The following ARHGAP18 variants were observed in gnomAD, a reference collection of about 807,000 sequenced individuals.
ARHGAP18 encodes the protein rho GTPase-activating protein 18.
In ARHGAP18, 67 loss-of-function variants were observed where a neutral mutation model predicts 86.2. The ratio of observed to expected loss-of-function variants is 0.78; its 90% confidence interval spans 0.64 to 0.95. The LOEUF is 0.95. Ranked by LOEUF, ARHGAP18 falls within the 40% of genes least tolerant of loss-of-function variation. The pLI is 0.00. For synonymous variants in ARHGAP18, 283 were observed against 280.4 expected, an observed-to-expected ratio of 1.01 and a Z score of -0.09; for missense variants, 691 against 780.4, an observed-to-expected ratio of 0.89 and a Z score of 1.37.
chr6:129,653,465 A>G (rs1773758922), intron 1 of ARHGAP18, among the ~76,000 whole-genome samples: 1 of 152,238 alleles, frequency 6.6e-6, no homozygotes, highest in African/African-American at 2.4e-5. Context: ...AAGTGTTTTT[A>G]TATGCAAGGT....
chr6:129,583,615 T>C (rs1161897457), intron 13 of ARHGAP18, among the ~76,000 whole-genome samples: 1 of 152,222 alleles, frequency 6.6e-6, no homozygotes, highest in African/African-American at 2.4e-5. Flanking sequence ...TTAATGCCAC[T>C]GCATCCTAAT....
At chr6:129,703,619 C>G (rs1364856741) in intron 1 of ARHGAP18, among the ~76,000 whole-genome samples, 1 of 152,224 alleles carries the variant, frequency 6.6e-6, no homozygotes, top group South Asian at 2.1e-4. Context: ...TCACAGGTCT[C>G]GTCAATGAGA....
Position 129,634,022 on chromosome 6 carries a change from A to G in ARHGAP18, c.616+20T>C, listed in dbSNP as rs1584073001. On this transcript the variant is annotated intron_variant, in intron 4 of 14. Transcript: ENST00000368149. Reference sequence around the variant, plus strand: ...TAAAGGGCGGAAAAAAAAAAAAACAAGAGAACAGGTTCAACATACCATCTC... The same window carrying G: ...TAAAGGGCGGAAAAAAAAAAAAACAGGAGAACAGGTTCAACATACCATCTC... The G allele has an allele frequency of 1.3e-6, 2 of 1,581,404 alleles. No homozygotes were observed. The highest frequency in any genetic ancestry group is 1.7e-6 in the Non-Finnish European group (2 of 1,169,054).
At chr6:129,636,524 A>G (rs926097943) in intron 3 of ARHGAP18, among the ~76,000 whole-genome samples, 3 of 152,230 alleles carry the variant, frequency 2.0e-5, no homozygotes, top group Non-Finnish European at 2.9e-5. Flanking sequence ...ACTGGTTAAA[A>G]GCATGTACTT....
chr6:129,627,937 G>C (rs569873577), intron 5 of ARHGAP18, among the ~76,000 whole-genome samples: 2 of 152,154 alleles, frequency 1.3e-5, no homozygotes, highest in African/African-American at 4.8e-5. Flanking sequence ...AAATATAGAT[G>C]ATAAAATATA....
At chr6:129,690,207 CATA>C (rs1774501807) in intron 1 of ARHGAP18, among the ~76,000 whole-genome samples, 1 of 151,994 alleles carries the variant, frequency 6.6e-6, no homozygotes, top group African/African-American at 2.4e-5. Flanking sequence ...ACAATGTATT[CATA>C]ATACTTATAT....
intron 12 of ARHGAP18, among the ~76,000 whole-genome samples, chr6:129,586,591 C>G (rs917115976): frequency 6.6e-6 from 1 of 152,108 alleles, no homozygotes; most frequent in Admixed American, 6.6e-5. Flanking sequence ...ACATCTTACC[C>G]AGCCCTAGAA....
chr6:129,589,860 A>G (rs541804733), intron 12 of ARHGAP18, among the ~76,000 whole-genome samples: 3 of 152,312 alleles, frequency 2.0e-5, no homozygotes, highest in African/African-American at 7.2e-5. Context: ...CAAAACCTCA[A>G]AAGTGGGGAA....
chr6:129,579,412 T>C (rs1047454298), intron 14 of ARHGAP18, among the ~76,000 whole-genome samples: 4 of 152,144 alleles, frequency 2.6e-5, no homozygotes, highest in African/African-American at 9.7e-5. Flanking sequence ...GCAAAATTAT[T>C]TTTAATTACT....
At chr6:129,662,379 T>A (rs962373656) in intron 1 of ARHGAP18, among the ~76,000 whole-genome samples, 16 of 152,250 alleles carry the variant, frequency 1.1e-4, no homozygotes, top group Non-Finnish European at 1.9e-4. Context: ...AAACACACTC[T>A]CTCCTTTTGA....
In ARHGAP18 at chr6:129,608,066, A is replaced by AAAAG. The variant is rs1788894785; in HGVS notation, c.1123-15_1123-14insCTTT. ...TTGGCAAAGATTCTGATAGGCACGA[A>AAAAG]AAAAAAAAAAAAAAAAAAAAGAAGC... On this transcript the variant is annotated splice_polypyrimidine_tract_variant and intron_variant, in intron 8 of 14. Coordinates refer to ENST00000368149, the MANE Select transcript of ARHGAP18 (RefSeq NM_033515.3). 1 of 305,698 alleles carries AAAAG rather than the reference A, an allele frequency of 3.3e-6. No individual in the cohort carries two copies. Among genetic ancestry groups the AAAAG allele is most frequent in the Non-Finnish European group, 4.4e-6 (1 of 227,218 alleles). 18.9% of individuals were successfully genotyped at this position (305,698 alleles called of 1,614,324 possible).
At chr6:129,667,500 T>C (rs1190169473) in intron 1 of ARHGAP18, among the ~76,000 whole-genome samples, 13 of 145,156 alleles carry the variant, frequency 9.0e-5, no homozygotes, top group Non-Finnish European at 1.8e-4. Flanking sequence ...TGTGTGTGTG[T>C]GTGTGTTGTG....
chr6:129,696,970 A>C (rs1305002223), intron 1 of ARHGAP18, among the ~76,000 whole-genome samples: 1 of 152,172 alleles, frequency 6.6e-6, no homozygotes, highest in Non-Finnish European at 1.5e-5. Context: ...CATCCTCTCG[A>C]ATCTAGGTTG....
intron 5 of ARHGAP18, 48 bp downstream of exon 5, chr6:129,629,295 GTGTGTATATA>G (rs1411833124): frequency 5.2e-5 from 72 of 1,377,182 alleles, no homozygotes; most frequent in Non-Finnish European, 6.8e-5. Context: ...GTATATGTGT[GTGTGTATATA>G]TATGTATATG....
chr6:129,661,309 TAAA>T (rs11370799), intron 1 of ARHGAP18, among the ~76,000 whole-genome samples: 1,466 of 111,190 alleles, frequency 0.013, 22 homozygotes, highest in African/African-American at 0.046. Flanking sequence ...GCAAGAATCT[TAAA>T]AAAAAAAAAA....
intron 12 of ARHGAP18, among the ~76,000 whole-genome samples, chr6:129,589,233 G>A (rs1788462601): frequency 6.6e-6 from 1 of 152,178 alleles, no homozygotes; most frequent in Non-Finnish European, 1.5e-5. Context: ...TTGTCAGGCT[G>A]CAAATTTTCC....
At chr6:129,683,194 C>G (rs1342911236) in intron 1 of ARHGAP18, among the ~76,000 whole-genome samples, 3 of 152,014 alleles carry the variant, frequency 2.0e-5, no homozygotes, top group African/African-American at 7.2e-5. Flanking sequence ...GCCTCAGCCT[C>G]CCGAGTAGCT....
At chr6:129,651,234 G>A (rs1444638238) in intron 1 of ARHGAP18, among the ~76,000 whole-genome samples, 1 of 152,032 alleles carries the variant, frequency 6.6e-6, no homozygotes, top group Non-Finnish European at 1.5e-5. Context: ...AATTAATAAG[G>A]TAAATGTTCT....
In ARHGAP18 at chr6:129,608,003, C is replaced by CAATT. The variant is rs759642752; in HGVS notation, c.1168_1171dup (p.Trp391Ter). On this transcript the variant is annotated stop_gained and frameshift_variant, in exon 9 of 15. Coordinates refer to ENST00000368149, the MANE Select transcript of ARHGAP18 (RefSeq NM_033515.3). LOFTEE classifies it high-confidence loss of function. ...GGCATCATGCTGTTTGACACTTTCC[C>CAATT]AATTAAAAGTCCCTTCATAAAACTT... 19 of 1,563,370 alleles carry CAATT rather than the reference C, an allele frequency of 1.2e-5. No homozygotes were observed. The highest frequency in any genetic ancestry group is 1.5e-5 in the Non-Finnish European group (17 of 1,148,202).
Sources: allele counts gnomAD v4.1 joint callset (sites outside exome capture counted in the v4.1 genomes callset), GRCh38; gene constraint gnomAD v4.1.1; transcripts MANE v1.5; gene names NCBI Gene and HGNC (gene_info 2026-07-23, HGNC 2026-07-21).